MYO3B: variants seen among roughly 807,000 people sequenced by gnomAD.
MYO3B encodes the protein myosin-IIIb.
MYO3B carries 156 observed loss-of-function variants against 174.6 expected under a neutral mutation model. The observed-to-expected ratio is 0.89, with a 90% CI of 0.78 to 1.02. MYO3B has a LOEUF of 1.02. Ranked by LOEUF, MYO3B falls within the 50% of genes least tolerant of loss-of-function variation. The pLI, the probability that MYO3B is intolerant of heterozygous loss-of-function variation, is 0.00. For missense variants in MYO3B, 1,632 were observed against 1,639.4 expected (o/e 1.00, Z 0.08); for synonymous variants, 563 against 569.1 (o/e 0.99, Z 0.15).
At chr2:170,424,604 G>A (rs558685873) in intron 22 of MYO3B, among the ~76,000 whole-genome samples, 35 of 151,536 alleles carry the variant, frequency 2.3e-4, no homozygotes, top group African/African-American at 7.3e-4. Flanking sequence ...GGAAGACTCC[G>A]CCTCAAAAAA....
intron 30 of MYO3B, among the ~76,000 whole-genome samples, chr2:170,539,978 A>G (rs543265904): frequency 6.6e-6 from 1 of 152,100 alleles, no homozygotes; most frequent in Non-Finnish European, 1.5e-5. Flanking sequence ...TCCATAGTCA[A>G]TATACCATAG....
Position 170,306,245 on chromosome 2 carries a change from T to A in MYO3B, c.750-29140T>A, listed in dbSNP as rs376825696. On this transcript the variant is annotated intron_variant, in intron 7 of 34. Coordinates refer to ENST00000408978, the MANE Select transcript of MYO3B (RefSeq NM_138995.5). ...GGCTGCCATTCTTTGAAGATCTAAA[T>A]TTCCAAACTGGCACCACATATCCGC... is the stretch of plus-strand genomic sequence containing the variant. Among the ~76,000 whole-genome samples the A allele has an allele frequency of 4.6e-5, 7 of 152,314 alleles. 1 individual carries two copies. The highest frequency in any genetic ancestry group is 1.3e-4 in the Admixed American group (2 of 15,294).
At chr2:170,311,823 G>A (rs2093741919) in intron 7 of MYO3B, among the ~76,000 whole-genome samples, 9 of 152,068 alleles carry the variant, frequency 5.9e-5, no homozygotes, top group Admixed American at 5.9e-4. Flanking sequence ...TTTTGTGTCT[G>A]TATATGCAGT....
intron 7 of MYO3B, among the ~76,000 whole-genome samples, chr2:170,302,392 C>A (rs1257918063): frequency 6.6e-6 from 1 of 152,180 alleles, no homozygotes; most frequent in Non-Finnish European, 1.5e-5. Flanking sequence ...TGGATGAGTT[C>A]TCTGTTTTCT....
chr2:170,412,670 G>A (rs1253512352), intron 22 of MYO3B, among the ~76,000 whole-genome samples: 1 of 152,168 alleles, frequency 6.6e-6, no homozygotes, highest in African/African-American at 2.4e-5. Context: ...TGCCCAAAAT[G>A]AATTAAGCTC....
At chr2:170,378,274 C>T (rs986773142) in intron 9 of MYO3B, among the ~76,000 whole-genome samples, 1 of 152,144 alleles carries the variant, frequency 6.6e-6, no homozygotes. Flanking sequence ...GTTAAGCGGG[C>T]AGCAGTTTCC....
chr2:170,290,013 C>T (rs1293867682), intron 7 of MYO3B, among the ~76,000 whole-genome samples: 2 of 152,164 alleles, frequency 1.3e-5, no homozygotes, highest in East Asian at 3.9e-4. Flanking sequence ...TCCAAAGTTC[C>T]TCCTGTTACT....
chr2:170,599,785 G>A (rs946714897), intron 32 of MYO3B, among the ~76,000 whole-genome samples: 1 of 152,118 alleles, frequency 6.6e-6, no homozygotes, highest in African/African-American at 2.4e-5. Flanking sequence ...GATGTGTTCA[G>A]CTCAATATTT....
At chr2:170,514,798 C>T in intron 28 of MYO3B, 123 bp from the exon 29 acceptor site, 1 of 712,040 alleles carries the variant, frequency 1.4e-6, no homozygotes. Context: ...AGATTAGTCA[C>T]CTTGGTGCCT....
chr2:170,247,809 A>G (rs916275619), intron 7 of MYO3B, among the ~76,000 whole-genome samples: 5 of 152,110 alleles, frequency 3.3e-5, no homozygotes, highest in Admixed American at 1.3e-4. Context: ...TCATGACCCA[A>G]TTTTCTCCAG....
At chr2:170,181,963 G>A (rs914192977) in intron 1 of MYO3B, among the ~76,000 whole-genome samples, 28 of 152,058 alleles carry the variant, frequency 1.8e-4, no homozygotes, top group Middle Eastern at 3.2e-3. Context: ...TTGATTTGCC[G>A]TTTAAAATTT....
chr2:170,641,914 T>A (rs1698001543), intron 32 of MYO3B, among the ~76,000 whole-genome samples: 1 of 150,260 alleles, frequency 6.7e-6, no homozygotes, highest in South Asian at 2.1e-4. Flanking sequence ...AATGAATGAA[T>A]TTTTTAGTTA....
At chr2:170,226,236 A>T (rs570661647) in intron 6 of MYO3B, among the ~76,000 whole-genome samples, 3 of 152,276 alleles carry the variant, frequency 2.0e-5, no homozygotes, top group Non-Finnish European at 4.4e-5. Context: ...GGAGCTCAGG[A>T]GAGTTAAATG....
chr2:170,560,055 A>G (rs1691605306), intron 32 of MYO3B, among the ~76,000 whole-genome samples: 8 of 152,196 alleles, frequency 5.3e-5, no homozygotes, highest in Admixed American at 4.6e-4. Context: ...CATCTAATAA[A>G]GTTTAGCTGC....
At chr2:170,332,323 A>C (rs924288512) in intron 7 of MYO3B, 12 of 152,162 alleles carry the variant, frequency 7.9e-5, no homozygotes, top group African/African-American at 1.4e-4. Flanking sequence ...AGCTGTCAAC[A>C]TACAGTAAGC....
chr2:170,332,970 A>G (rs572421452), intron 7 of MYO3B, among the ~76,000 whole-genome samples: 2 of 152,266 alleles, frequency 1.3e-5, no homozygotes, highest in East Asian at 3.9e-4. Flanking sequence ...TGAGCCTACT[A>G]GTGTCATTTC....
chr2:170,362,168 G>A (rs190884212), intron 8 of MYO3B, among the ~76,000 whole-genome samples: 1 of 152,294 alleles, frequency 6.6e-6, no homozygotes, highest in East Asian at 1.9e-4. Context: ...CATTTGCTCA[G>A]AGATGTGATA....
intron 25 of MYO3B, among the ~76,000 whole-genome samples, chr2:170,469,834 G>A (rs916005630): frequency 1.3e-5 from 2 of 152,032 alleles, no homozygotes; most frequent in Non-Finnish European, 2.9e-5. Context: ...CGGGCACGGT[G>A]GCTCACACCT....
intron 32 of MYO3B, among the ~76,000 whole-genome samples, chr2:170,636,980 G>GTGTGTA (rs1204120042): frequency 1.1e-4 from 16 of 151,804 alleles, no homozygotes; most frequent in African/African-American, 3.9e-4. Flanking sequence ...GTGTGTGTGT[G>GTGTGTA]TGTGTGTGTA....
Sources: gnomAD v4.1 joint callset for allele counts (sites outside exome capture counted in the v4.1 genomes callset) on GRCh38, gnomAD v4.1.1 for gene constraint, MANE v1.5 for transcripts, NCBI Gene and HGNC (gene_info 2026-07-23, HGNC 2026-07-21) for gene names.